Variants in LRRC4C observed in about 807,000 individuals in gnomAD.
LRRC4C encodes the protein leucine rich repeat containing 4C.
In LRRC4C, 5 loss-of-function variants were observed where a neutral mutation model predicts 33.6. The ratio of observed to expected loss-of-function variants is 0.15; its 90% confidence interval spans 0.08 to 0.31. The LOEUF is 0.31. Among genes scored for constraint, LRRC4C ranks in the 10% least tolerant of loss-of-function variants. The pLI is 1.00. For missense variants in LRRC4C, 560 were observed against 796.7 expected, an observed-to-expected ratio of 0.70 and a Z score of 3.58; for synonymous variants, 329 against 302.0, an observed-to-expected ratio of 1.09 and a Z score of -0.93.
At chr11:40,148,489 AGTGT>A (rs1857926148) in intron 5 of LRRC4C, among the ~76,000 whole-genome samples, 1 of 152,122 alleles carries the variant, frequency 6.6e-6, no homozygotes, top group Non-Finnish European at 1.5e-5. Context: ...TTTTTAAAAA[AGTGT>A]CTGTTCATGT....
chr11:40,327,240 A>C (rs1464072404), intron 3 of LRRC4C, among the ~76,000 whole-genome samples: 2 of 152,182 alleles, frequency 1.3e-5, no homozygotes, highest in Non-Finnish European at 1.5e-5. Context: ...TTCCCATGAC[A>C]GGGCTTTCAA....
chr11:41,123,974 T>C (rs532600141), intron 1 of LRRC4C, among the ~76,000 whole-genome samples: 56 of 152,304 alleles, frequency 3.7e-4, no homozygotes, highest in African/African-American at 1.3e-3. Context: ...GCATGACTTT[T>C]CTCTCCTATA....
intron 5 of LRRC4C, among the ~76,000 whole-genome samples, chr11:40,196,924 GGCTATGGA>G (rs1862309837): frequency 6.6e-6 from 1 of 152,100 alleles, no homozygotes; most frequent in African/African-American, 2.4e-5. Flanking sequence ...AAGGCTTTCT[GGCTATGGA>G]GACCACATTA....
intron 1 of LRRC4C, among the ~76,000 whole-genome samples, chr11:41,176,967 T>TAAAACAAAAC (rs138933488): frequency 6.4e-4 from 95 of 147,730 alleles, no homozygotes; most frequent in African/African-American, 2.3e-3. Context: ...TCCATCTCTA[T>TAAAACAAAAC]AAAACAAAAC....
At chr11:40,459,698 G>A (rs1952300763) in intron 3 of LRRC4C, among the ~76,000 whole-genome samples, 3 of 152,152 alleles carry the variant, frequency 2.0e-5, no homozygotes, top group African/African-American at 4.8e-5. Context: ...AAGAACAAGG[G>A]TGATGACTCA....
chr11:40,690,529 A>G (rs959400926), intron 2 of LRRC4C, among the ~76,000 whole-genome samples: 4 of 152,080 alleles, frequency 2.6e-5, no homozygotes, highest in African/African-American at 4.8e-5. Flanking sequence ...TCAGGCTCTG[A>G]TTGGAAGATG....
intron 2 of LRRC4C, among the ~76,000 whole-genome samples, chr11:40,825,839 A>T (rs942073470): frequency 1.3e-5 from 2 of 151,912 alleles, no homozygotes; most frequent in African/African-American, 4.8e-5. Context: ...TTGGAAGGAA[A>T]GAAGCCAGTT....
chr11:41,005,144 T>C (rs982690995), intron 1 of LRRC4C, among the ~76,000 whole-genome samples: 2 of 152,204 alleles, frequency 1.3e-5, no homozygotes, highest in Non-Finnish European at 2.9e-5. Context: ...ATCATATGCC[T>C]ACTGATATGG....
intron 3 of LRRC4C, among the ~76,000 whole-genome samples, chr11:40,470,514 CA>C (rs756303511): frequency 2.6e-5 from 4 of 152,156 alleles, no homozygotes; most frequent in Non-Finnish European, 5.9e-5. Flanking sequence ...AGCAAGGGAA[CA>C]AAACTGGACG....
rs1332835390 is a variant in LRRC4C at position 40,279,002 on chromosome 11, AT to A, written c.-175-37405del. 2.0e-5 allele frequency among the ~76,000 whole-genome samples: 3 copies of A among 152,130 alleles called. No individual in the cohort carries two copies. In the East Asian group the frequency reaches 5.8e-4, roughly 29 times the overall value. On this transcript the variant is annotated intron_variant, in intron 4 of 6. Coordinates refer to ENST00000528697, the MANE Select transcript of LRRC4C (RefSeq NM_001258419.2). ...AAACTGTGGAAATTTCTATGGTGAT[AT>A]TTGAGGGAATGCAAAACAATGGCTT...
intron 2 of LRRC4C, among the ~76,000 whole-genome samples, chr11:40,868,553 C>A (rs1165531553): frequency 1.3e-5 from 2 of 152,090 alleles, no homozygotes; most frequent in East Asian, 3.9e-4. Flanking sequence ...CAAAACAGTA[C>A]TCTAGATGAG....
intron 1 of LRRC4C, among the ~76,000 whole-genome samples, chr11:41,378,181 C>T (rs569733017): frequency 6.6e-6 from 1 of 151,892 alleles, no homozygotes; most frequent in South Asian, 2.1e-4. Flanking sequence ...AGAGGTAGGG[C>T]AAGGGGCAAA....
At chr11:40,830,812 G>T (rs1004601407) in intron 2 of LRRC4C, among the ~76,000 whole-genome samples, 3 of 152,066 alleles carry the variant, frequency 2.0e-5, no homozygotes, top group African/African-American at 7.2e-5. Context: ...GCAATAAAAA[G>T]AATTGTTTCT....
intron 2 of LRRC4C, among the ~76,000 whole-genome samples, chr11:40,823,985 A>T (rs1389909831): frequency 6.6e-6 from 1 of 151,986 alleles, no homozygotes; most frequent in Non-Finnish European, 1.5e-5. Flanking sequence ...TTACTGATAC[A>T]TGCTGTTAGA....
intron 2 of LRRC4C, among the ~76,000 whole-genome samples, chr11:40,803,751 G>C (rs1052418012): frequency 4.6e-5 from 7 of 152,106 alleles, no homozygotes; most frequent in Admixed American, 4.6e-4. Flanking sequence ...GGGATTACAG[G>C]CGTGAGCCAC....
intron 1 of LRRC4C, among the ~76,000 whole-genome samples, chr11:40,950,838 T>A (rs2136714437): frequency 6.6e-6 from 1 of 152,132 alleles, no homozygotes; most frequent in East Asian, 1.9e-4. Flanking sequence ...TTGTGTTTTT[T>A]AATAAAAAAT....
chr11:41,154,065 C>T (rs553329555), intron 1 of LRRC4C, among the ~76,000 whole-genome samples: 2 of 152,284 alleles, frequency 1.3e-5, no homozygotes, highest in Non-Finnish European at 2.9e-5. Context: ...CCTGTCAATA[C>T]TTTCATTTTG....
chr11:40,400,510 C>A (rs2137539002), intron 3 of LRRC4C, among the ~76,000 whole-genome samples: 1 of 152,098 alleles, frequency 6.6e-6, no homozygotes, highest in South Asian at 2.1e-4. Context: ...CCCTGCCATG[C>A]CACAGGTCAA....
intron 2 of LRRC4C, among the ~76,000 whole-genome samples, chr11:40,846,530 G>C (rs1953182064): frequency 6.6e-6 from 1 of 152,142 alleles, no homozygotes; most frequent in Non-Finnish European, 1.5e-5. Flanking sequence ...CTGTTCCACT[G>C]GTCTATATAT....
Sources: allele counts gnomAD v4.1 joint callset (sites outside exome capture counted in the v4.1 genomes callset), GRCh38; gene constraint gnomAD v4.1.1; transcripts MANE v1.5; gene names NCBI Gene and HGNC (gene_info 2026-07-23, HGNC 2026-07-21).